Variants in ZER1 observed in about 807,000 individuals in gnomAD.
ZER1 encodes the protein zyg-11 related cell cycle regulator.
ZER1 carries 11 observed loss-of-function variants against 78.8 expected under a neutral mutation model. The ratio of observed to expected loss-of-function variants is 0.14; its 90% CI spans 0.09 to 0.23. The LOEUF is 0.23. Among genes scored for constraint, ZER1 ranks in the 10% least tolerant of loss-of-function variants. ZER1 has a pLI of 1.00. For synonymous variants in ZER1, 400 were observed against 407.0 expected (o/e 0.98, Z 0.21); for missense variants, 588 against 996.9 (o/e 0.59, Z 5.52).
At chr9:128,734,147 A>ATT in intron 14 of ZER1, among the ~76,000 whole-genome samples, 1 of 37,858 alleles carries the variant, frequency 2.6e-5, no homozygotes, top group African/African-American at 8.7e-5. Context: ...AAAAAAAAAT[A>ATT]TATATATATA....
chr9:128,738,424 C>T (rs186959200), intron 13 of ZER1, among the ~76,000 whole-genome samples: 1,858 of 150,074 alleles, frequency 0.012, 46 homozygotes, highest in African/African-American at 0.044. Flanking sequence ...CTCGCTCTGT[C>T]GCCCAGGCTG....
At chr9:128,734,726 T>C (rs1347533820) in intron 14 of ZER1, among the ~76,000 whole-genome samples, 1 of 152,152 alleles carries the variant, frequency 6.6e-6, no homozygotes, top group Non-Finnish European at 1.5e-5. Context: ...TGTAAAAATA[T>C]AGATTTCTAA....
chr9:128,758,431 T>A (rs564022819), intron 1 of ZER1, among the ~76,000 whole-genome samples: 16 of 150,884 alleles, frequency 1.1e-4, no homozygotes, highest in African/African-American at 3.9e-4. Flanking sequence ...TGGCCTTAAT[T>A]TTTAATTTTT....
intron 15 of ZER1, chr9:128,733,225 G>A (rs1862898612): frequency 1.9e-6 from 1 of 515,744 alleles, no homozygotes; most frequent in Admixed American, 3.1e-5. Flanking sequence ...TCCGAGCTTG[G>A]TCATCTAATT....
In ZER1 at chr9:128,755,810, C is replaced by T. The variant is rs1863839225; in HGVS notation, c.-94-151G>A. On this transcript the variant is annotated intron_variant, in intron 1 of 15. Transcript: ENST00000291900. This position sits in a 1 kb window ranked among gnomAD's most constrained non-coding sequence, Gnocchi z 5.6. ...CCAGGTCTCCTGACTCCTTCTTTCA[C>T]CCGCCTCTGCTGTGCCACTATCTAT... is the stretch of plus-strand genomic sequence containing the variant. Among the ~76,000 whole-genome samples, 1 of 152,212 alleles carries T rather than the reference C, an allele frequency of 6.6e-6. No homozygotes were observed. Among genetic ancestry groups the T allele is most frequent in the Non-Finnish European group, 1.5e-5 (1 of 68,038 alleles).
intron 1 of ZER1, among the ~76,000 whole-genome samples, chr9:128,757,051 C>T (rs943852640): frequency 5.3e-5 from 8 of 151,986 alleles, no homozygotes; most frequent in African/African-American, 1.9e-4. Flanking sequence ...TTCATGCATA[C>T]ACAAAAATTA....
rs538328599 is a variant in ZER1, at chr9:128,762,284, T to C, written c.-94-6625A>G. ...TTGTCCCAGCTTCTGGGAGCCTCCCTCTGTGCCCATTTGTAAACCTTCCAG... is the reference window on the plus strand; with the variant it reads ...TTGTCCCAGCTTCTGGGAGCCTCCCCCTGTGCCCATTTGTAAACCTTCCAG... On this transcript the variant is annotated intron_variant, in intron 1 of 15. Transcript: ENST00000291900. 7.0e-4 allele frequency among the ~76,000 whole-genome samples: 106 copies of C among 152,282 alleles called. No individual in the cohort carries two copies. In the Middle Eastern group the frequency reaches 0.014, roughly 20 times the overall value.
chr9:128,756,222 C>T (rs1218216744), intron 1 of ZER1, among the ~76,000 whole-genome samples: 4 of 152,186 alleles, frequency 2.6e-5, no homozygotes, highest in Admixed American at 6.5e-5. Flanking sequence ...CCGAGGTGGG[C>T]GGATCACAAG....
rs1040653206 is a variant in ZER1 at position 128,758,327 on chromosome 9, T to C, written c.-94-2668A>G. 3.9e-5 allele frequency among the ~76,000 whole-genome samples: 6 copies of C among 152,214 alleles called. 1 individual carries two copies. Among genetic ancestry groups the C allele is most frequent in the Admixed American group, 3.3e-4 (5 of 15,254 alleles). On this transcript the variant is annotated intron_variant, in intron 1 of 15. Transcript: ENST00000291900. ...CTTTTAGTAGAGACAGGGTTATCCA[T>C]GTTGGCCAGGCTGGTCTCGAACTCC...
chr9:128,744,098 C>A (rs941079505), intron 8 of ZER1, among the ~76,000 whole-genome samples: 6 of 151,868 alleles, frequency 4.0e-5, no homozygotes, highest in Non-Finnish European at 5.9e-5. Flanking sequence ...GGGGTTTCAC[C>A]GTCTTGGCCA....
Position 128,731,329 on chromosome 9 carries a change from G to T in ZER1, c.*8C>A. On this transcript the variant is annotated 3_prime_UTR_variant, in exon 16 of 16. Coordinates refer to ENST00000291900, the MANE Select transcript of ZER1 (RefSeq NM_006336.4). ...CCAGAGCGGTGGCGGCCATGGGGAC[G>T]GAGGCCTCTATCTAGACGTGTCCAT... 6.2e-7 allele frequency: 1 copy of T among 1,611,402 alleles called. No individual in the cohort carries two copies. Among genetic ancestry groups the T allele is most frequent in the Non-Finnish European group, 8.5e-7 (1 of 1,178,930 alleles).
intron 1 of ZER1, among the ~76,000 whole-genome samples, chr9:128,770,675 C>T (rs992174776): frequency 1.3e-5 from 2 of 152,182 alleles, no homozygotes; most frequent in Non-Finnish European, 2.9e-5. Flanking sequence ...GCTGAATGAA[C>T]AAATGAACCA....
intron 1 of ZER1, among the ~76,000 whole-genome samples, chr9:128,765,634 C>T (rs1297651919): frequency 1.3e-5 from 2 of 152,142 alleles, no homozygotes; most frequent in Non-Finnish European, 2.9e-5. Context: ...AAGCTCTGAG[C>T]CTTGGAGCAG....
At chr9:128,769,868 G>A (rs1326933698) in intron 1 of ZER1, among the ~76,000 whole-genome samples, 1 of 152,188 alleles carries the variant, frequency 6.6e-6, no homozygotes, top group Non-Finnish European at 1.5e-5. Flanking sequence ...AAAGATGGAA[G>A]AAGGGTACTT....
intron 13 of ZER1, among the ~76,000 whole-genome samples, chr9:128,737,921 T>C (rs1863142845): frequency 1.3e-5 from 2 of 152,178 alleles, no homozygotes; most frequent in Admixed American, 1.3e-4. Flanking sequence ...CAGGCTGGTT[T>C]CGAACTCCTG....
chr9:128,734,035 G>A (rs1862941348), intron 14 of ZER1, among the ~76,000 whole-genome samples: 1 of 114,292 alleles, frequency 8.7e-6, no homozygotes, highest in Non-Finnish European at 1.8e-5. Flanking sequence ...GGCTGAGGCA[G>A]GAGAATGGCG....
chr9:128,742,476 G>T, intron 9 of ZER1, 54 bp downstream of exon 9: 1 of 1,599,118 alleles, frequency 6.3e-7, no homozygotes, highest in Non-Finnish European at 8.6e-7. Context: ...GGGTAGAGGG[G>T]TGGGGGAGAG....
intron 1 of ZER1, among the ~76,000 whole-genome samples, chr9:128,766,165 A>G (rs1864199847): frequency 1.3e-5 from 2 of 152,032 alleles, no homozygotes; most frequent in African/African-American, 4.8e-5. Context: ...CCTGGCCAAC[A>G]TGGTGAAACC....
At chr9:128,741,134 G>A (rs1043729523) in intron 11 of ZER1, among the ~76,000 whole-genome samples, 7 of 152,158 alleles carry the variant, frequency 4.6e-5, no homozygotes, top group South Asian at 2.1e-4. Context: ...TGGGACAGAC[G>A]TGGTTCTGTT....
Sources: gnomAD v4.1 joint callset for allele counts (sites outside exome capture counted in the v4.1 genomes callset) on GRCh38, gnomAD v4.1.1 for gene constraint, Gnocchi (gnomAD v3.1) non-coding constraint, MANE v1.5 for transcripts, NCBI Gene and HGNC (gene_info 2026-07-23, HGNC 2026-07-21) for gene names.